Variants in SLC27A2 observed in about 807,000 individuals in gnomAD.
The protein encoded by SLC27A2 is long-chain fatty acid transport protein 2.
Under a neutral mutation model 60.0 loss-of-function variants are expected in SLC27A2, and 54 were observed. The observed-to-expected ratio is 0.90, with a 90% CI of 0.72 to 1.13. SLC27A2 has a LOEUF of 1.13. Among genes scored for constraint, SLC27A2 ranks in the 50% most tolerant of loss-of-function variants. The probability of loss-of-function intolerance (pLI) is 0.00; values close to 1 mark genes in which losing one functional copy is unlikely to be tolerated. For synonymous variants in SLC27A2, 297 were observed against 297.6 expected, an observed-to-expected ratio of 1.00 and a Z score of 0.02; for missense variants, 739 against 777.6, an observed-to-expected ratio of 0.95 and a Z score of 0.59.
At chr15:50,218,277 TA>T (rs1251228503) in intron 4 of SLC27A2, among the ~76,000 whole-genome samples, 2 of 151,902 alleles carry the variant, frequency 1.3e-5, no homozygotes, top group Non-Finnish European at 2.9e-5. Context: ...TACAGAAAGT[TA>T]AAAAGATAAA....
chr15:50,194,545 C>T (rs902610918), intron 1 of SLC27A2, among the ~76,000 whole-genome samples: 4 of 152,084 alleles, frequency 2.6e-5, no homozygotes, highest in African/African-American at 9.7e-5. Context: ...GAATGAACAG[C>T]CCTGAAGGAT....
rs1485894674 is a variant in SLC27A2, at chr15:50,226,030, G to A, written c.1210G>A (p.Asp404Asn). 2 of 1,611,946 alleles carry A rather than the reference G, an allele frequency of 1.2e-6. No individual in the cohort carries two copies. The highest frequency in any genetic ancestry group is 1.7e-6 in the Non-Finnish European group (2 of 1,178,010). Residue 404 changes from aspartate to asparagine, a missense_variant, in exon 6 of 10, where the codon GAT (aspartate) becomes AAT (asparagine). Physicochemically the swap from Asp to Asn is conservative, Grantham distance 23. Coordinates refer to ENST00000267842, the MANE Select transcript of SLC27A2 (RefSeq NM_003645.4). The stretch of plus-strand genomic sequence containing the variant: ...CCTGATTAAATATGATGTGGAGAAA[G>A]ATGAACCTGTCCGTGATGAAAATGG... Reference protein sequence around the residue: ...YDLIKYDVEKDEPVRDENGYC... With the variant: ...YDLIKYDVEKNEPVRDENGYC...
chr15:50,205,383 A>G lies in SLC27A2; in HGVS notation c.972+20A>G. On this transcript the variant is annotated intron_variant, in intron 4 of 9. Coordinates refer to ENST00000267842, the MANE Select transcript of SLC27A2 (RefSeq NM_003645.4). The stretch of plus-strand genomic sequence containing the variant: ...CCACAGGTAACACTCCCCCCGTTTT[A>G]CTATCATTTTGAAATGGGTAAGATG... 1.3e-6 allele frequency: 2 copies of G among 1,591,618 alleles called. No homozygotes were observed. Among genetic ancestry groups the G allele is most frequent in the South Asian group, 1.1e-5 (1 of 87,936 alleles).
At chr15:50,188,212 G>A (rs1033710706) in intron 1 of SLC27A2, among the ~76,000 whole-genome samples, 6 of 152,104 alleles carry the variant, frequency 3.9e-5, no homozygotes, top group African/African-American at 1.4e-4. Context: ...ACTGACTATT[G>A]AGCTGAACAA....
Position 50,227,169 on chromosome 15 carries a change from A to C in SLC27A2, c.1448A>C (p.Asp483Ala), listed in dbSNP as rs777568517. The change falls in exon 7 of 10, where the codon GAT becomes GCT. Residue 483 changes from aspartate (D) to alanine (A), a missense_variant. Coordinates refer to ENST00000267842, the MANE Select transcript of SLC27A2 (RefSeq NM_003645.4). ...ATCTATTTCCACGACAGAGTTGGAG[A>C]TACATTCCGGTTGGTTTTTCTGAAT... ...NFIYFHDRVGDTFRWKGENVA... is the reference protein window; with the variant it reads ...NFIYFHDRVGATFRWKGENVA... 4 of 1,613,562 alleles carry C rather than the reference A, an allele frequency of 2.5e-6. No homozygotes were observed. The highest frequency in any genetic ancestry group is 3.4e-6 in the Non-Finnish European group (4 of 1,179,756).
At chr15:50,204,509 A>G (rs2045093152) in intron 3 of SLC27A2, among the ~76,000 whole-genome samples, 3 of 152,018 alleles carry the variant, frequency 2.0e-5, no homozygotes, top group South Asian at 2.1e-4. Context: ...CAAGGGGTAC[A>G]GATCACGAGG....
At chr15:50,219,337 G>A (rs528174749) in intron 4 of SLC27A2, among the ~76,000 whole-genome samples, 40 of 152,324 alleles carry the variant, frequency 2.6e-4, no homozygotes, top group African/African-American at 9.1e-4. Context: ...GGTAGATGGC[G>A]TGAATACAGC....
At chr15:50,183,872 A>AC (rs947450371) in intron 1 of SLC27A2, among the ~76,000 whole-genome samples, 1 of 151,414 alleles carries the variant, frequency 6.6e-6, no homozygotes, top group Non-Finnish European at 1.5e-5. Flanking sequence ...TGCTTTTATT[A>AC]CCCCGGGAGA....
chr15:50,217,112 G>A (rs148351224), intron 4 of SLC27A2, among the ~76,000 whole-genome samples: 1 of 151,270 alleles, frequency 6.6e-6, no homozygotes, highest in South Asian at 2.1e-4. Flanking sequence ...GTGGGAGGGG[G>A]ACGAGGGATA....
Position 50,202,659 on chromosome 15 carries a change from A to G in SLC27A2, c.847+14A>G, listed in dbSNP as rs2045074492. On this transcript the variant is annotated intron_variant, in intron 3 of 9. Coordinates refer to ENST00000267842, the MANE Select transcript of SLC27A2 (RefSeq NM_003645.4). ...GTATTGTGGCTGGTAAGCTTTTTCT[A>G]CAAAATGTTGGAGGCGAGTGCACAT... 1.9e-6 allele frequency: 3 copies of G among 1,609,864 alleles called. No homozygotes were observed. The highest frequency in any genetic ancestry group is 2.5e-6 in the Non-Finnish European group (3 of 1,176,570).
chr15:50,214,599 A>G (rs550828883), intron 4 of SLC27A2, among the ~76,000 whole-genome samples: 61 of 152,304 alleles, frequency 4.0e-4, no homozygotes, highest in African/African-American at 1.4e-3. Context: ...ATCCAACAAC[A>G]TATCAAAAAG....
intron 5 of SLC27A2, 67 bp from the exon 6 acceptor site, chr15:50,225,921 T>TTA (rs2045274722): frequency 8.9e-7 from 1 of 1,127,340 alleles, no homozygotes; most frequent in African/African-American, 1.6e-5. Flanking sequence ...ATACTTTGTG[T>TTA]TATACCACAA....
intron 9 of SLC27A2, among the ~76,000 whole-genome samples, chr15:50,235,640 T>C (rs1004917438): frequency 6.6e-6 from 1 of 152,174 alleles, no homozygotes; most frequent in Non-Finnish European, 1.5e-5. Context: ...AAAAATGATA[T>C]CTATATGAAG....
intron 1 of SLC27A2, among the ~76,000 whole-genome samples, chr15:50,189,824 A>C (rs560167961): frequency 6.6e-6 from 1 of 152,358 alleles, no homozygotes; most frequent in African/African-American, 2.4e-5. Flanking sequence ...CAGATATCAA[A>C]TGCTAACAAT....
intron 3 of SLC27A2, 92 bp downstream of exon 3, chr15:50,202,737 G>A: frequency 7.7e-7 from 1 of 1,299,040 alleles, no homozygotes; most frequent in Non-Finnish European, 1.1e-6. Context: ...GTTGCTGTCT[G>A]CTAGGAACAG....
chr15:50,202,324 C>T (rs2045071207), intron 2 of SLC27A2, among the ~76,000 whole-genome samples, 163 bp from the exon 3 acceptor site: 1 of 152,182 alleles, frequency 6.6e-6, no homozygotes, highest in African/African-American at 2.4e-5. Flanking sequence ...CTCCCTGGTC[C>T]TTTATAGAAA....
rs745878887 is a variant in SLC27A2 at position 50,226,083 on chromosome 15, A to G, written c.1258+5A>G. 2.9e-5 allele frequency: 46 copies of G among 1,590,932 alleles called. No individual in the cohort carries two copies. The highest frequency in any genetic ancestry group is 2.2e-5 in the East Asian group (1 of 44,768). On this transcript the variant is annotated splice_donor_5th_base_variant and intron_variant, in intron 6 of 9. Transcript: ENST00000267842. ...ATTGCGTCAGAGTTCCCAAAGGTACAGTGGACTTTTGTTCAATCAACCTGT... is the reference window on the plus strand; with the variant it reads ...ATTGCGTCAGAGTTCCCAAAGGTACGGTGGACTTTTGTTCAATCAACCTGT...
At chr15:50,221,737 A>G (rs1184000162) in intron 4 of SLC27A2, among the ~76,000 whole-genome samples, 1 of 152,208 alleles carries the variant, frequency 6.6e-6, no homozygotes, top group African/African-American at 2.4e-5. Context: ...CTGTTACCCC[A>G]TTTCATTCTG....
At chr15:50,193,180 C>T (rs896877110) in intron 1 of SLC27A2, among the ~76,000 whole-genome samples, 5 of 152,214 alleles carry the variant, frequency 3.3e-5, no homozygotes, top group African/African-American at 7.2e-5. Context: ...TCATCTCCAC[C>T]GTCTGCTCAT....
Sources: gnomAD v4.1 joint callset for allele counts (sites outside exome capture counted in the v4.1 genomes callset) on GRCh38, gnomAD v4.1.1 for gene constraint, MANE v1.5 for transcripts, NCBI Gene and HGNC (gene_info 2026-07-23, HGNC 2026-07-21) for gene names.